KIF13B: variants seen among roughly 807,000 people sequenced by gnomAD.
The protein encoded by KIF13B is kinesin family member 13B, also known as kinesin-like protein KIF13B.
KIF13B carries 127 observed loss-of-function variants against 222.0 expected under a neutral mutation model. The observed-to-expected ratio is 0.57, with a 90% confidence interval of 0.50 to 0.66. The LOEUF is 0.66. KIF13B is among the 30% of genes least tolerant of loss of function. KIF13B has a pLI of 0.00. For missense variants in KIF13B, 2,173 were observed against 2,379.0 expected, an observed-to-expected ratio of 0.91 and a Z score of 1.80; for synonymous variants, 976 against 919.0, an observed-to-expected ratio of 1.06 and a Z score of -1.12.
intron 3 of KIF13B, among the ~76,000 whole-genome samples, chr8:29,192,539 C>CA (rs1309430531): frequency 1.3e-5 from 2 of 152,180 alleles, no homozygotes; most frequent in Non-Finnish European, 2.9e-5. Context: ...TGTGAGCCAC[C>CA]ATGCCCAGTC....
chr8:29,173,210 C>T lies in KIF13B; in HGVS notation c.945+2858G>A, dbSNP rs568553601. Among the ~76,000 whole-genome samples, 27 of 152,146 alleles carry T rather than the reference C, an allele frequency of 1.8e-4. No individual in the cohort carries two copies. In the South Asian group the frequency reaches 5.2e-3, roughly 29 times the overall value. ...GATTATAGGCATTAGCCACCATGCC[C>T]GGCCAACAAAAGATATTTGTTGTTT... On this transcript the variant is annotated intron_variant, in intron 10 of 39. Transcript: ENST00000524189.
At chr8:29,110,171 A>T in intron 32 of KIF13B, 101 bp from the exon 33 acceptor site, 2 of 1,034,866 alleles carry the variant, frequency 1.9e-6, no homozygotes, top group Non-Finnish European at 2.8e-6. Context: ...CCAAAATTCC[A>T]TTTTAAAGTC....
chr8:29,102,287 G>A (rs6651395), intron 35 of KIF13B, among the ~76,000 whole-genome samples: 162 of 152,146 alleles, frequency 1.1e-3, no homozygotes, highest in African/African-American at 3.8e-3. Context: ...ACCTGAAATC[G>A]AAAAAGATAA....
At chr8:29,094,477 C>T (rs750883237) in intron 36 of KIF13B, among the ~76,000 whole-genome samples, 4 of 152,230 alleles carry the variant, frequency 2.6e-5, no homozygotes, top group Admixed American at 6.5e-5. Flanking sequence ...AAGAGACAGA[C>T]ACAAAAAGGA....
At chr8:29,139,954 A>T in intron 21 of KIF13B, 109 bp downstream of exon 21, 1 of 965,436 alleles carries the variant, frequency 1.0e-6, no homozygotes. Context: ...TCTCAAAATC[A>T]GCTATTAGGT....
chr8:29,115,889 C>T (rs74884001), intron 31 of KIF13B, among the ~76,000 whole-genome samples: 24 of 152,278 alleles, frequency 1.6e-4, no homozygotes, highest in East Asian at 1.2e-3. Flanking sequence ...CCAGTTCAAA[C>T]GCTGCCCTCC....
chr8:29,114,686 A>G (rs1337145176), intron 31 of KIF13B, among the ~76,000 whole-genome samples: 2 of 152,162 alleles, frequency 1.3e-5, no homozygotes, highest in Non-Finnish European at 2.9e-5. Flanking sequence ...GAGAGAGAAA[A>G]TGGCATGCCT....
chr8:29,084,787 ATTATT>A (rs777425794), intron 37 of KIF13B, among the ~76,000 whole-genome samples: 18 of 152,260 alleles, frequency 1.2e-4, no homozygotes, highest in Non-Finnish European at 1.2e-4. Context: ...AGTTCCTTCA[ATTATT>A]TTATGTGCTG....
chr8:29,109,597 C>T, intron 33 of KIF13B, 86 bp from the exon 34 acceptor site: 6 of 1,028,612 alleles, frequency 5.8e-6, no homozygotes, highest in Non-Finnish European at 7.7e-6. Flanking sequence ...CTTGCAACCC[C>T]CATCTATACA....
Position 29,146,432 on chromosome 8 carries a change from T to A in KIF13B, c.2133A>T (p.Thr711=). Residue 711 remains threonine, a synonymous_variant, in exon 18 of 40, where the codon ACA becomes ACT. Transcript: ENST00000524189. ...NYIAEELDKR[T]EYKVTLQIPA... is the part of the protein sequence containing the mutation. Reference sequence around the variant, plus strand: ...GAATCTGTAGGGTAACTTTGTATTCTGTTCTTTTATCCAGCTCCTCAGCAA... The same window carrying A: ...GAATCTGTAGGGTAACTTTGTATTCAGTTCTTTTATCCAGCTCCTCAGCAA... 1 of 1,613,990 alleles carries A rather than the reference T, an allele frequency of 6.2e-7. No homozygotes were observed. The highest frequency in any genetic ancestry group is 8.5e-7 in the Non-Finnish European group (1 of 1,179,872).
In KIF13B at chr8:29,072,273, C is replaced by G. The variant is rs1807332887; in HGVS notation, c.4565G>C (p.Gly1522Ala). The G allele has an allele frequency of 1.4e-6, 2 of 1,471,478 alleles. No individual in the cohort carries two copies. The highest frequency in any genetic ancestry group is 2.5e-5 in the Admixed American group (1 of 40,036). 91.2% of individuals were successfully genotyped at this position (1,471,478 alleles called of 1,614,324 possible). ...GTCGCAGATCTTCAAGGCCGGGGCC[C>G]CCATCGTCTGCACCAGCACGTCAGG... ...MGPDVLVQTM[G>A]APALKICDKP... Residue 1522 changes from glycine (G) to alanine (A), a missense_variant, in exon 39 of 40, where the codon GGG (glycine) becomes GCG (alanine). Around this residue, in one of 2 missense-constraint regions of KIF13B, gnomAD observed 693 missense variants for 656.2 expected, o/e 1.06. Transcript: ENST00000524189.
intron 10 of KIF13B, 112 bp from the exon 11 acceptor site, chr8:29,167,697 A>G (rs1383306847): frequency 4.8e-6 from 4 of 826,718 alleles, no homozygotes; most frequent in African/African-American, 3.4e-5. Context: ...AACACATTCA[A>G]TGACAGAGCC....
chr8:29,069,631 G>C lies in KIF13B; in HGVS notation c.*873C>G, dbSNP rs1807158042. The C allele has an allele frequency of 6.6e-6, 1 of 152,296 alleles. No individual in the cohort carries two copies. The highest frequency in any genetic ancestry group is 6.5e-5 in the Admixed American group (1 of 15,288). 9.4% of individuals were successfully genotyped at this position (152,296 alleles called of 1,614,324 possible). A position where few individuals can be genotyped will look rare whatever the true frequency, so the allele number is the denominator to read the frequency against. On this transcript the variant is annotated 3_prime_UTR_variant, in exon 40 of 40. Transcript: ENST00000524189. Reference sequence around the variant, plus strand: ...TCCCCAGGACCCTCCACCTGGGCAGGAGGCCAGCAGCTCTGCAATGGCCAG... The same window carrying C: ...TCCCCAGGACCCTCCACCTGGGCAGCAGGCCAGCAGCTCTGCAATGGCCAG...
chr8:29,104,834 C>G lies in KIF13B; in HGVS notation c.4215+3305G>C, dbSNP rs534125617. ...TCTCGGCTCACTGCAGGCTCCGCCC[C>G]CCGTGGTTCACGCCATTCTCTTGCC... On this transcript the variant is annotated intron_variant, in intron 35 of 39. Coordinates refer to ENST00000524189, the MANE Select transcript of KIF13B (RefSeq NM_015254.4). Among the ~76,000 whole-genome samples the G allele has an allele frequency of 2.2e-3, 328 of 152,250 alleles. 2 individuals carry two copies. The highest frequency in any genetic ancestry group is 6.8e-3 in the African/African-American group (281 of 41,552).
chr8:29,123,483 T>C lies in KIF13B; in HGVS notation c.3362A>G (p.Glu1121Gly). 6.2e-7 allele frequency: 1 copy of C among 1,613,986 alleles called. No homozygotes were observed. The highest frequency in any genetic ancestry group is 8.5e-7 in the Non-Finnish European group (1 of 1,179,886). Residue 1121 changes from glutamate (E) to glycine (G), a missense_variant, in exon 28 of 40, where the codon GAG becomes GGG. Coordinates refer to ENST00000524189, the MANE Select transcript of KIF13B (RefSeq NM_015254.4). ...CTGCGCTTCACGGTCAGCATCATCCTCTGTTTTATCTAGAACATCGAGAAT... is the reference window on the plus strand; with the variant it reads ...CTGCGCTTCACGGTCAGCATCATCCCCTGTTTTATCTAGAACATCGAGAAT... ...QKLVSKRDKT[E>G]DDADREAQLL...
intron 12 of KIF13B, among the ~76,000 whole-genome samples, chr8:29,165,307 T>C (rs1811945666): frequency 6.6e-6 from 1 of 152,162 alleles, no homozygotes; most frequent in Admixed American, 6.5e-5. Context: ...CTTGGCCACA[T>C]GCACTAGATG....
intron 1 of KIF13B, among the ~76,000 whole-genome samples, chr8:29,255,034 T>C (rs886741531): frequency 2.6e-4 from 39 of 152,180 alleles, no homozygotes; most frequent in African/African-American, 8.2e-4. Context: ...AGAAGTGAGA[T>C]ACAAAAGTCC....
At chr8:29,078,009 A>C (rs1329050354) in intron 37 of KIF13B, among the ~76,000 whole-genome samples, 1 of 151,352 alleles carries the variant, frequency 6.6e-6, no homozygotes, top group Non-Finnish European at 1.5e-5. Context: ...GAGGCCAGGC[A>C]CGGTGGTTCA....
At chr8:29,093,481 T>C (rs1002254295) in intron 36 of KIF13B, among the ~76,000 whole-genome samples, 1 of 152,208 alleles carries the variant, frequency 6.6e-6, no homozygotes. Context: ...TATGATATAC[T>C]AAGACTTCTT....
Sources: allele counts gnomAD v4.1 joint callset (sites outside exome capture counted in the v4.1 genomes callset), GRCh38; gene constraint gnomAD v4.1.1; regional missense constraint gnomAD v4.1.1; transcripts MANE v1.5; gene names NCBI Gene and HGNC (gene_info 2026-07-23, HGNC 2026-07-21).